PCDH9: variants seen among roughly 807,000 people sequenced by gnomAD.
PCDH9 encodes the protein protocadherin 9.
Under a neutral mutation model 70.6 loss-of-function variants are expected in PCDH9, and 24 were observed. The observed-to-expected ratio is 0.34, with a 90% CI of 0.25 to 0.48. The LOEUF (loss-of-function observed/expected upper bound fraction) is 0.48, where lower values mean the gene tolerates loss of function less well. Ranked by LOEUF, PCDH9 falls within the 20% of genes least tolerant of loss-of-function variation. The probability of loss-of-function intolerance (pLI) is 0.99; values close to 1 mark genes in which losing one functional copy is unlikely to be tolerated. For missense variants in PCDH9, 1,281 were observed against 1,503.6 expected (o/e 0.85, Z 2.45); for synonymous variants, 562 against 558.5 (o/e 1.01, Z -0.09).
rs139235823 is a variant in PCDH9, at chr13:66,500,077, C to T, written c.3340+131133G>A. On this transcript the variant is annotated intron_variant, in intron 4 of 4. Coordinates refer to ENST00000377865, the MANE Select transcript of PCDH9 (RefSeq NM_203487.3). ...CCCAGTCTCAGGTATTCCTTTATAGCGATGCGAATGGACTAACACATCCAA... is the reference window on the plus strand; with the variant it reads ...CCCAGTCTCAGGTATTCCTTTATAGTGATGCGAATGGACTAACACATCCAA... Among the ~76,000 whole-genome samples the T allele has an allele frequency of 7.1e-3, 1,084 of 152,252 alleles. 34 individuals are homozygous for T. The East Asian group carries it at 0.092, about 13-fold the overall frequency.
At chr13:66,746,686 T>C (rs1232690296) in intron 3 of PCDH9, among the ~76,000 whole-genome samples, 1 of 152,224 alleles carries the variant, frequency 6.6e-6, no homozygotes, top group Non-Finnish European at 1.5e-5. Context: ...ACGTGTCATC[T>C]ATTACACTTT....
intron 4 of PCDH9, among the ~76,000 whole-genome samples, chr13:66,461,509 A>T (rs1441071491): frequency 6.6e-6 from 1 of 151,204 alleles, no homozygotes; most frequent in African/African-American, 2.4e-5. Flanking sequence ...ACACCTTCTA[A>T]TCCATTAAAA....
intron 4 of PCDH9, among the ~76,000 whole-genome samples, chr13:66,603,925 C>A (rs569904013): frequency 6.6e-6 from 1 of 151,858 alleles, no homozygotes; most frequent in Admixed American, 6.6e-5. Context: ...GTGATCTTTT[C>A]TTCTCCTGAT....
intron 3 of PCDH9, among the ~76,000 whole-genome samples, chr13:66,649,185 T>A (rs776588183): frequency 6.6e-6 from 1 of 152,032 alleles, no homozygotes; most frequent in Middle Eastern, 3.2e-3. Context: ...GAGAAACATA[T>A]CAATATTCAA....
chr13:66,795,627 A>G (rs2080229098), intron 3 of PCDH9, among the ~76,000 whole-genome samples: 1 of 152,050 alleles, frequency 6.6e-6, no homozygotes, highest in African/African-American at 2.4e-5. Flanking sequence ...TTCTTTCTAT[A>G]TAAGATATTC....
At position 66,631,209 on chromosome 13, in the gene PCDH9, C is replaced by G. The variant is rs752774652; in HGVS notation, c.3340+1G>C. ...CAATCAAAATTTTGAAGGGGACTCA[C>G]CAGAGTTGGGATCAGAGTTGCCATC... On this transcript the variant is annotated splice_donor_variant, in intron 4 of 4. Coordinates refer to ENST00000377865, the MANE Select transcript of PCDH9 (RefSeq NM_203487.3). LOFTEE classifies it high-confidence loss of function. 1 of 1,542,138 alleles carries G rather than the reference C, an allele frequency of 6.5e-7. No homozygotes were observed. The highest frequency in any genetic ancestry group is 9.0e-7 in the Non-Finnish European group (1 of 1,114,392).
chr13:66,397,110 A>G (rs775084462), intron 4 of PCDH9, among the ~76,000 whole-genome samples: 6 of 152,174 alleles, frequency 3.9e-5, no homozygotes, highest in Non-Finnish European at 8.8e-5. Flanking sequence ...AAAAACGGTA[A>G]CAACAAACCA....
intron 2 of PCDH9, among the ~76,000 whole-genome samples, chr13:66,996,765 G>T (rs1389595276): frequency 6.6e-6 from 1 of 152,206 alleles, no homozygotes; most frequent in Non-Finnish European, 1.5e-5. Flanking sequence ...TGTTTGGCTA[G>T]TAAGTGTCTG....
At chr13:66,479,157 A>C (rs1574576) in intron 4 of PCDH9, among the ~76,000 whole-genome samples, 46,831 of 152,076 alleles carry the variant, frequency 0.31, 7,319 homozygotes, top group South Asian at 0.35. Context: ...CTATCTTTTG[A>C]GAGCATGGTT....
intron 4 of PCDH9, among the ~76,000 whole-genome samples, chr13:66,621,268 A>C (rs1037396592): frequency 3.9e-5 from 6 of 152,176 alleles, no homozygotes; most frequent in Non-Finnish European, 8.8e-5. Context: ...ATCTTGATAC[A>C]GACATACTAT....
intron 4 of PCDH9, among the ~76,000 whole-genome samples, chr13:66,525,601 C>T (rs931753252): frequency 1.5e-4 from 23 of 152,066 alleles, no homozygotes; most frequent in Non-Finnish European, 1.8e-4. Context: ...TTATTTTTAG[C>T]CCACTTACTC....
intron 4 of PCDH9, among the ~76,000 whole-genome samples, chr13:66,572,193 T>G (rs2076742602): frequency 6.6e-6 from 1 of 152,166 alleles, no homozygotes; most frequent in Non-Finnish European, 1.5e-5. Flanking sequence ...CACCCACCAC[T>G]ATCAAACATT....
intron 2 of PCDH9, among the ~76,000 whole-genome samples, chr13:66,926,781 T>G (rs1384566940): frequency 6.6e-6 from 1 of 152,062 alleles, no homozygotes; most frequent in Admixed American, 6.6e-5. Context: ...TACAATTTTT[T>G]GTGTTAAGTG....
intron 3 of PCDH9, among the ~76,000 whole-genome samples, chr13:66,682,811 C>A (rs775420711): frequency 6.6e-6 from 1 of 152,042 alleles, no homozygotes; most frequent in Non-Finnish European, 1.5e-5. Context: ...AGAGTTGAAG[C>A]TTTGAAAGCT....
intron 4 of PCDH9, among the ~76,000 whole-genome samples, chr13:66,527,543 G>T (rs1289401226): frequency 6.6e-6 from 1 of 152,050 alleles, no homozygotes; most frequent in East Asian, 1.9e-4. Context: ...GTCTTCTAAA[G>T]AACTTTTTGT....
At chr13:67,174,344 T>G (rs1289778084) in intron 2 of PCDH9, among the ~76,000 whole-genome samples, 2 of 151,946 alleles carry the variant, frequency 1.3e-5, no homozygotes. Context: ...CATACATACA[T>G]ACAGACGAAG....
chr13:66,380,745 G>A (rs1002396340), intron 4 of PCDH9, among the ~76,000 whole-genome samples: 3 of 151,898 alleles, frequency 2.0e-5, no homozygotes, highest in African/African-American at 7.3e-5. Flanking sequence ...GGGTTTCACC[G>A]TGTTAGCCAG....
intron 4 of PCDH9, among the ~76,000 whole-genome samples, chr13:66,438,070 C>T (rs972687314): frequency 1.3e-5 from 2 of 151,860 alleles, no homozygotes; most frequent in African/African-American, 2.4e-5. Context: ...CCCATCTCTA[C>T]TAAAAATACA....
rs181566040 is a variant in PCDH9 at position 66,865,710 on chromosome 13, C to T, written c.3138+37794G>A. 1.1e-3 allele frequency among the ~76,000 whole-genome samples: 163 copies of T among 152,286 alleles called. 3 individuals carry two copies. Among genetic ancestry groups the T allele is most frequent in the African/African-American group, 3.8e-3 (156 of 41,564 alleles). ...GAAATGTCCGCTTCCTTCGCACTGT[C>T]CTATGGTAAAGCCTCATTCCAGTGT... is the stretch of plus-strand genomic sequence containing the variant. On this transcript the variant is annotated intron_variant, in intron 3 of 4. Transcript: ENST00000377865.
Sources: allele counts gnomAD v4.1 joint callset (sites outside exome capture counted in the v4.1 genomes callset), GRCh38; gene constraint gnomAD v4.1.1; transcripts MANE v1.5; gene names NCBI Gene and HGNC (gene_info 2026-07-23, HGNC 2026-07-21).